Variants in GNG7 observed in about 807,000 individuals in gnomAD.
GNG7 encodes the protein G protein subunit gamma 7.
A neutral mutation model predicts 4.0 loss-of-function variants in GNG7; 1 was observed. The ratio of observed to expected loss-of-function variants is 0.25; its 90% CI spans 0.09 to 1.18. GNG7 has a LOEUF of 1.18. Ranked by LOEUF, GNG7 falls within the 50% of genes most tolerant of loss-of-function variation. The pLI is 0.50. For missense variants in GNG7, 86 were observed against 91.9 expected (o/e 0.94, Z 0.26); for synonymous variants, 34 against 36.9 (o/e 0.92, Z 0.29).
At chr19:2,684,880 C>T (rs150086574) in intron 1 of GNG7, among the ~76,000 whole-genome samples, 2,162 of 149,272 alleles carry the variant, frequency 0.014, 52 homozygotes, top group African/African-American at 0.05. Context: ...TCCCAACACT[C>T]TGGGAGGCCG....
intron 1 of GNG7, among the ~76,000 whole-genome samples, chr19:2,667,490 C>A (rs1983339861): frequency 6.6e-6 from 1 of 152,068 alleles, no homozygotes; most frequent in Admixed American, 6.6e-5. Context: ...CGGAATATCT[C>A]ATTTGGGGCC....
In GNG7 at chr19:2,612,247, G is replaced by T. The variant is rs1452035533; in HGVS notation, c.-78+33977C>A. Reference sequence around the variant, plus strand: ...CCCTGGGGCCCCATCCTTCTCTGGGGTGGGGCCATCCTGGGCACTGCAGGG... The same window carrying T: ...CCCTGGGGCCCCATCCTTCTCTGGGTTGGGGCCATCCTGGGCACTGCAGGG... On this transcript the variant is annotated intron_variant, in intron 2 of 4. Transcript: ENST00000382159. Among the ~76,000 whole-genome samples, 4 of 152,086 alleles carry T rather than the reference G, an allele frequency of 2.6e-5. No individual in the cohort carries two copies. The East Asian group carries it at 7.7e-4, about 29-fold the overall frequency.
At position 2,674,526 on chromosome 19, in the gene GNG7, C is replaced by T. The variant is rs145748834; in HGVS notation, c.-135+28120G>A. ...TCTCAGCTCGCTGCAACCTCCACCT[C>T]CTGGGCTCAAGCGATCCTCCTGCCT... On this transcript the variant is annotated intron_variant, in intron 1 of 4. Transcript: ENST00000382159. Among the ~76,000 whole-genome samples the T allele has an allele frequency of 3.2e-3, 491 of 152,254 alleles. 1 individual carries two copies. The highest frequency in any genetic ancestry group is 6.8e-3 in the Middle Eastern group (2 of 294).
At chr19:2,587,389 A>G (rs1980707407) in intron 2 of GNG7, among the ~76,000 whole-genome samples, 1 of 152,126 alleles carries the variant, frequency 6.6e-6, no homozygotes, top group South Asian at 2.1e-4. Flanking sequence ...GGAAGGGCAG[A>G]GGGCTCCCCG....
At chr19:2,691,520 G>A (rs190795187) in intron 1 of GNG7, among the ~76,000 whole-genome samples, 68 of 151,532 alleles carry the variant, frequency 4.5e-4, no homozygotes, top group African/African-American at 1.6e-3. Context: ...CTCCGGCCTG[G>A]GCAACAGAGC....
At chr19:2,669,007 C>A (rs1337756933) in intron 1 of GNG7, among the ~76,000 whole-genome samples, 2 of 152,156 alleles carry the variant, frequency 1.3e-5, no homozygotes, top group East Asian at 3.9e-4. Context: ...CACCTGACAA[C>A]CCCATAAGGG....
chr19:2,586,186 A>C (rs1980667381), intron 2 of GNG7, among the ~76,000 whole-genome samples: 1 of 152,186 alleles, frequency 6.6e-6, no homozygotes, highest in South Asian at 2.1e-4. Flanking sequence ...ACAGTCTTGC[A>C]GCCGTCTTGA....
Position 2,527,414 on chromosome 19 carries a change from G to A in GNG7, c.-37-6689C>T, listed in dbSNP as rs531807346. Among the ~76,000 whole-genome samples, 32 of 152,292 alleles carry A rather than the reference G, an allele frequency of 2.1e-4. No individual in the cohort carries two copies. The East Asian group carries it at 5.4e-3, about 26-fold the overall frequency. On this transcript the variant is annotated intron_variant, in intron 3 of 4. Coordinates refer to ENST00000382159, the MANE Select transcript of GNG7 (RefSeq NM_052847.3). Reference sequence around the variant, plus strand: ...GCCTGGGTTCCTGCCTGGAGGCATCGCCCCTCTGGAGCTGTGCCCCCGCCC... The same window carrying A: ...GCCTGGGTTCCTGCCTGGAGGCATCACCCCTCTGGAGCTGTGCCCCCGCCC...
rs975801429 is a variant in GNG7 at position 2,513,068 on chromosome 19, G to A, written c.*1954C>T. On this transcript the variant is annotated 3_prime_UTR_variant, in exon 5 of 5. Coordinates refer to ENST00000382159, the MANE Select transcript of GNG7 (RefSeq NM_052847.3). ...TAGAGAGCTGGGTGCCGGGGGTGGG[G>A]AGCCCGGCTGTGGCCTGTGGGAGCT... 1 of 985,536 alleles carries A rather than the reference G, an allele frequency of 1.0e-6. No homozygotes were observed. The allele number at this position is 985,536 out of a possible 1,614,324, so 61.0% of individuals were successfully genotyped here.
At chr19:2,694,566 G>A (rs1913201340) in intron 1 of GNG7, among the ~76,000 whole-genome samples, 1 of 151,988 alleles carries the variant, frequency 6.6e-6, no homozygotes, top group Non-Finnish European at 1.5e-5. Context: ...TCTGCTTCCT[G>A]ATCACACTAG....
chr19:2,647,932 G>A (rs138747573), intron 1 of GNG7, among the ~76,000 whole-genome samples: 26,557 of 150,248 alleles, frequency 0.18, 2,484 homozygotes, highest in Middle Eastern at 0.26. Context: ...GGAGGCTGAG[G>A]CAGGAGAATC....
At chr19:2,670,437 C>T (rs1315001995) in intron 1 of GNG7, among the ~76,000 whole-genome samples, 3 of 152,258 alleles carry the variant, frequency 2.0e-5, no homozygotes, top group Non-Finnish European at 4.4e-5. Context: ...TGTCTGCAGG[C>T]ACACAGGTCA....
intron 3 of GNG7, 127 bp from the exon 4 acceptor site, chr19:2,520,852 A>C (rs1475635693): frequency 1.7e-6 from 1 of 583,670 alleles, no homozygotes; most frequent in Non-Finnish European, 3.1e-6. Context: ...GGTGGGGACC[A>C]GGGGCCTCCG....
rs995918642 is a variant in GNG7 at position 2,614,925 on chromosome 19, C to G, written c.-78+31299G>C. On this transcript the variant is annotated intron_variant, in intron 2 of 4. Transcript: ENST00000382159. This position sits in a 1 kb window ranked among gnomAD's most constrained non-coding sequence, Gnocchi z 6.0. Reference sequence around the variant, plus strand: ...ATCAATTCTCAATGCCAAGGCGTTCCTCAGCTTTTAAACAAGGCACTGAGG... The same window carrying G: ...ATCAATTCTCAATGCCAAGGCGTTCGTCAGCTTTTAAACAAGGCACTGAGG... 1.6e-4 allele frequency among the ~76,000 whole-genome samples: 24 copies of G among 152,204 alleles called. No homozygotes were observed. Among genetic ancestry groups the G allele is most frequent in the African/African-American group, 5.5e-4 (23 of 41,444 alleles).
At chr19:2,678,319 AATCTTCC>A (rs1599457788) in intron 1 of GNG7, among the ~76,000 whole-genome samples, 1 of 152,190 alleles carries the variant, frequency 6.6e-6, no homozygotes, top group East Asian at 1.9e-4. Context: ...AATGTTCTGG[AATCTTCC>A]AGAAGCTTCT....
At chr19:2,550,817 G>A (rs1013404201) in intron 3 of GNG7, among the ~76,000 whole-genome samples, 2 of 152,182 alleles carry the variant, frequency 1.3e-5, no homozygotes, top group Non-Finnish European at 2.9e-5. Context: ...TAAAGGAATT[G>A]GAGCAGTGGA....
At chr19:2,570,297 A>C (rs1377595413) in intron 2 of GNG7, among the ~76,000 whole-genome samples, 1 of 152,096 alleles carries the variant, frequency 6.6e-6, no homozygotes, top group African/African-American at 2.4e-5. Flanking sequence ...GTAGAACTGT[A>C]TGGTCTGTAG....
chr19:2,637,236 G>A (rs972251395), intron 2 of GNG7, among the ~76,000 whole-genome samples: 4 of 150,942 alleles, frequency 2.7e-5, no homozygotes, highest in South Asian at 4.2e-4. Flanking sequence ...AGCCCGGCCC[G>A]TCTTTGCTGT....
chr19:2,654,319 G>C (rs1395085871), intron 1 of GNG7, among the ~76,000 whole-genome samples: 1 of 149,368 alleles, frequency 6.7e-6, no homozygotes, highest in African/African-American at 2.5e-5. Context: ...ATCCGAAACA[G>C]CACGGGTCCC....
Sources: allele counts gnomAD v4.1 joint callset (sites outside exome capture counted in the v4.1 genomes callset), GRCh38; gene constraint gnomAD v4.1.1; non-coding constraint Gnocchi (gnomAD v3.1); transcripts MANE v1.5; gene names NCBI Gene and HGNC (gene_info 2026-07-23, HGNC 2026-07-21).